FGF14: variants seen among roughly 807,000 people sequenced by gnomAD.
FGF14 encodes the protein fibroblast growth factor homologous factor 4.
A neutral mutation model predicts 25.5 loss-of-function variants in FGF14; 5 were observed. That is an observed-to-expected ratio of 0.20 (90% CI 0.10 to 0.41). The LOEUF is 0.41. Among genes scored for constraint, FGF14 ranks in the 10% least tolerant of loss-of-function variants. FGF14 has a pLI of 1.00. For synonymous variants in FGF14, 138 were observed against 118.3 expected, an observed-to-expected ratio of 1.17 and a Z score of -1.08; for missense variants, 222 against 320.1, an observed-to-expected ratio of 0.69 and a Z score of 2.34.
intron 1 of FGF14, among the ~76,000 whole-genome samples, chr13:101,961,611 T>C (rs769835792): frequency 5.3e-5 from 8 of 152,162 alleles, no homozygotes; most frequent in Non-Finnish European, 1.2e-4. Flanking sequence ...CCATATGTTA[T>C]GGGAGCAACC....
chr13:102,121,654 T>C (rs138437436), intron 1 of FGF14, among the ~76,000 whole-genome samples: 1 of 152,364 alleles, frequency 6.6e-6, no homozygotes, highest in East Asian at 1.9e-4. Flanking sequence ...TGTATTTTGC[T>C]GTAAAAATAG....
intron 1 of FGF14, among the ~76,000 whole-genome samples, chr13:101,940,320 G>A (rs973890064): frequency 2.6e-5 from 4 of 152,140 alleles, no homozygotes; most frequent in Admixed American, 1.3e-4. Context: ...AAGAGGTGGC[G>A]GTCAAGGGAG....
At position 101,884,062 on chromosome 13, in the gene FGF14, C is replaced by CAAAAAAAAAAAAA. The variant is rs11315735; in HGVS notation, c.194-8779_194-8767dup. 2.0e-3 allele frequency among the ~76,000 whole-genome samples: 74 copies of CAAAAAAAAAAAAA among 37,834 alleles called. 7 individuals carry two copies. Among genetic ancestry groups the CAAAAAAAAAAAAA allele is most frequent in the South Asian group, 7.6e-3 (4 of 526 alleles). 24.8% of individuals were successfully genotyped at this position (37,834 alleles called of 152,430 possible). On this transcript the variant is annotated intron_variant, in intron 1 of 4. Transcript: ENST00000376143. Reference sequence around the variant, plus strand: ...TGGGCAACAGAGTAAGACTCCATCTCAAAAAAAAAAAAAAAAAAAAAAAAA... The same window carrying CAAAAAAAAAAAAA: ...TGGGCAACAGAGTAAGACTCCATCTCAAAAAAAAAAAAAAAAAAAAAAAAAAAAAAAAAAAAAA...
intron 1 of FGF14, among the ~76,000 whole-genome samples, chr13:102,392,046 A>T (rs1193549089): frequency 6.6e-6 from 1 of 152,248 alleles, no homozygotes; most frequent in African/African-American, 2.4e-5. Flanking sequence ...CCACACAGGA[A>T]GTGGAAAGAA....
intron 3 of FGF14, among the ~76,000 whole-genome samples, chr13:101,747,294 C>T (rs1301734912): frequency 1.3e-5 from 2 of 151,780 alleles, no homozygotes; most frequent in Non-Finnish European, 2.9e-5. Context: ...TATTAGGTAC[C>T]CATTAACTAG....
intron 1 of FGF14, among the ~76,000 whole-genome samples, chr13:102,200,048 C>T (rs1287220181): frequency 1.3e-5 from 2 of 152,168 alleles, no homozygotes; most frequent in Non-Finnish European, 2.9e-5. Context: ...TACTTAATAT[C>T]ATGTGGCCTC....
intron 1 of FGF14, among the ~76,000 whole-genome samples, chr13:102,043,559 T>G (rs901193391): frequency 3.3e-5 from 5 of 152,148 alleles, no homozygotes; most frequent in African/African-American, 1.2e-4. Flanking sequence ...GGTATAACTC[T>G]AAAGGCAGGT....
At chr13:101,859,026 C>G (rs557195468) in intron 3 of FGF14, among the ~76,000 whole-genome samples, 1 of 152,244 alleles carries the variant, frequency 6.6e-6, no homozygotes, top group South Asian at 2.1e-4. Context: ...TTATCATGCT[C>G]TTTCAGCAAA....
chr13:102,047,808 A>G (rs1019153720), intron 1 of FGF14, among the ~76,000 whole-genome samples: 2 of 152,192 alleles, frequency 1.3e-5, no homozygotes, highest in South Asian at 2.1e-4. Flanking sequence ...GTGCACATGT[A>G]CCCTAAAACT....
At position 102,372,385 on chromosome 13, in the gene FGF14, C is replaced by T. The variant is rs77073002; in HGVS notation, c.208+29086G>A. Among the ~76,000 whole-genome samples the T allele has an allele frequency of 1.1e-3, 163 of 152,146 alleles. 2 individuals carry two copies. The East Asian group carries it at 0.028, about 26-fold the overall frequency. ...ACTAACAGAAATCTAGTTATTCATCCGAAATTCAAATTTAAATGGCTGTCC... is the reference window on the plus strand; with the variant it reads ...ACTAACAGAAATCTAGTTATTCATCTGAAATTCAAATTTAAATGGCTGTCC... On this transcript the variant is annotated intron_variant, in intron 1 of 4. Coordinates refer to the FGF14 transcript ENST00000376131.
At chr13:101,883,284 A>G (rs1220969640) in intron 1 of FGF14, among the ~76,000 whole-genome samples, 1 of 152,224 alleles carries the variant, frequency 6.6e-6, no homozygotes, top group Non-Finnish European at 1.5e-5. Context: ...AAGGCAGTTC[A>G]TAACATCACC....
chr13:101,816,938 C>A (rs536911866), intron 3 of FGF14, among the ~76,000 whole-genome samples: 2 of 152,210 alleles, frequency 1.3e-5, no homozygotes, highest in East Asian at 1.9e-4. Context: ...TTAAAAAATT[C>A]AATTTTGATT....
chr13:101,891,182 G>A (rs1430866984), intron 1 of FGF14, among the ~76,000 whole-genome samples: 1 of 152,064 alleles, frequency 6.6e-6, no homozygotes, highest in Non-Finnish European at 1.5e-5. Flanking sequence ...TTTGTGTGAG[G>A]AGACCCACTA....
chr13:101,814,977 CTTA>C (rs2041767635), intron 3 of FGF14, among the ~76,000 whole-genome samples: 2 of 137,956 alleles, frequency 1.4e-5, no homozygotes, highest in African/African-American at 5.0e-5. Flanking sequence ...CTCAAAGAGA[CTTA>C]TTAGTACCCC....
At chr13:102,043,247 T>C (rs1186029188) in intron 1 of FGF14, among the ~76,000 whole-genome samples, 2 of 152,162 alleles carry the variant, frequency 1.3e-5, no homozygotes, top group Non-Finnish European at 2.9e-5. Flanking sequence ...ATAAGCAAAA[T>C]GAAGCACCCA....
At chr13:101,839,815 T>C (rs2140312898) in intron 3 of FGF14, among the ~76,000 whole-genome samples, 1 of 152,128 alleles carries the variant, frequency 6.6e-6, no homozygotes, top group East Asian at 1.9e-4. Context: ...GAAGAAAATG[T>C]AATGTATGCT....
At chr13:102,388,087 G>A (rs2058347511) in intron 1 of FGF14, among the ~76,000 whole-genome samples, 1 of 152,156 alleles carries the variant, frequency 6.6e-6, no homozygotes, top group African/African-American at 2.4e-5. Context: ...CTCTCAAGTA[G>A]TCCCTGGGGT....
intron 1 of FGF14, among the ~76,000 whole-genome samples, chr13:102,213,799 C>T (rs1390299001): frequency 6.6e-6 from 1 of 152,114 alleles, no homozygotes; most frequent in Non-Finnish European, 1.5e-5. Flanking sequence ...CCCTATATGT[C>T]CCAGCCATCA....
intron 1 of FGF14, among the ~76,000 whole-genome samples, chr13:102,191,276 T>C (rs1348495737): frequency 6.6e-6 from 1 of 152,216 alleles, no homozygotes; most frequent in Non-Finnish European, 1.5e-5. Flanking sequence ...ATGTGGTGAA[T>C]GAATTGTCCA....
Sources: gnomAD v4.1 joint callset for allele counts (sites outside exome capture counted in the v4.1 genomes callset) on GRCh38, gnomAD v4.1.1 for gene constraint, MANE v1.5 for transcripts, NCBI Gene and HGNC (gene_info 2026-07-23, HGNC 2026-07-21) for gene names.